CFAP57: variants seen among roughly 807,000 people sequenced by gnomAD.
CFAP57 encodes the protein cilia and flagella associated protein 57, also known as cilia- and flagella-associated protein 57.
Under a neutral mutation model 146.8 loss-of-function variants are expected in CFAP57, and 116 were observed. The ratio of observed to expected loss-of-function variants is 0.79; its 90% CI spans 0.68 to 0.92. The LOEUF (loss-of-function observed/expected upper bound fraction) is 0.92. Ranked by LOEUF, CFAP57 falls within the 40% of genes least tolerant of loss-of-function variation. The pLI is 0.00. For missense variants in CFAP57, 1,377 were observed against 1,527.2 expected, an observed-to-expected ratio of 0.90 and a Z score of 1.64; for synonymous variants, 518 against 552.8, an observed-to-expected ratio of 0.94 and a Z score of 0.88.
chr1:43,245,217 G>A (rs1269243007), intron 22 of CFAP57, among the ~76,000 whole-genome samples: 1 of 151,874 alleles, frequency 6.6e-6, no homozygotes, highest in Non-Finnish European at 1.5e-5. Context: ...GTTGAGGTGT[G>A]AGGATTTTAG....
intron 2 of CFAP57, among the ~76,000 whole-genome samples, chr1:43,179,815 C>T (rs549754316): frequency 1.1e-3 from 163 of 152,246 alleles, no homozygotes; most frequent in Non-Finnish European, 1.4e-3. Context: ...TTTCTTCTCC[C>T]TCTCTTTGGG....
At chr1:43,200,392 TGG>T (rs1644066406) in intron 9 of CFAP57, among the ~76,000 whole-genome samples, 1 of 149,306 alleles carries the variant, frequency 6.7e-6, no homozygotes, top group South Asian at 2.1e-4. Flanking sequence ...GAGGCTGCGG[TGG>T]GAGGATCACT....
At chr1:43,243,438 C>T (rs773972998) in intron 22 of CFAP57, 79 bp downstream of exon 22, 45 of 1,408,048 alleles carry the variant, frequency 3.2e-5, no homozygotes, top group Non-Finnish European at 4.0e-5. Flanking sequence ...CTCCCTTTGG[C>T]TTCCTTCTGT....
chr1:43,246,574 T>C (rs1445589043), intron 22 of CFAP57, among the ~76,000 whole-genome samples: 1 of 152,198 alleles, frequency 6.6e-6, no homozygotes, highest in Non-Finnish European at 1.5e-5. Flanking sequence ...ATAAAACTCT[T>C]AGAAGAAAGC....
chr1:43,172,400 C>G lies in CFAP57; in HGVS notation c.-73C>G. 6.4e-7 allele frequency: 1 copy of G among 1,551,466 alleles called. No individual in the cohort carries two copies. Among genetic ancestry groups the G allele is most frequent in the Non-Finnish European group, 8.7e-7 (1 of 1,146,962 alleles). ...GTGTCCGGGTTGCTTAGGATCCCTA[C>G]AGGTAGCGCCTCTGGATACATGCGT... is the stretch of plus-strand genomic sequence containing the variant. On this transcript the variant is annotated 5_prime_UTR_variant, in exon 1 of 23. Coordinates refer to ENST00000372492, the MANE Select transcript of CFAP57 (RefSeq NM_001378189.1).
chr1:43,199,632 G>C (rs895480720), intron 9 of CFAP57, 129 bp downstream of exon 9: 2 of 823,798 alleles, frequency 2.4e-6, no homozygotes, highest in Non-Finnish European at 4.1e-6. Context: ...CTTGGGGAAA[G>C]AGACAATAAA....
chr1:43,250,346 AGTTT>A (rs1404864633), intron 22 of CFAP57: 1 of 152,228 alleles, frequency 6.6e-6, no homozygotes, highest in East Asian at 1.9e-4. Context: ...TGTCCATGGC[AGTTT>A]GATTTTTAAA....
chr1:43,209,722 G>C (rs778504548), intron 10 of CFAP57, 21 bp from the exon 11 acceptor site: 6 of 1,611,160 alleles, frequency 3.7e-6, no homozygotes, highest in Non-Finnish European at 4.2e-6. Context: ...CTCACACTGA[G>C]CAGAGCTGCC....
chr1:43,242,967 G>C (rs1311311699), intron 21 of CFAP57, among the ~76,000 whole-genome samples: 2 of 152,086 alleles, frequency 1.3e-5, no homozygotes, highest in Non-Finnish European at 2.9e-5. Flanking sequence ...GCATGGAAAA[G>C]CATTGTTGTT....
intron 22 of CFAP57, among the ~76,000 whole-genome samples, chr1:43,248,244 T>C (rs964165334): frequency 6.6e-6 from 1 of 151,622 alleles, no homozygotes; most frequent in Non-Finnish European, 1.5e-5. Flanking sequence ...TAACCTTCCT[T>C]ACCAAAAAAT....
At chr1:43,181,007 A>C (rs1179118429) in intron 2 of CFAP57, among the ~76,000 whole-genome samples, 6 of 149,054 alleles carry the variant, frequency 4.0e-5, no homozygotes, top group African/African-American at 7.5e-5. Flanking sequence ...ATCTCACCTC[A>C]CCCCCTGCCC....
intron 18 of CFAP57, among the ~76,000 whole-genome samples, chr1:43,230,172 T>A (rs147127722): frequency 4.2e-3 from 640 of 152,336 alleles, no homozygotes; most frequent in South Asian, 8.5e-3. Flanking sequence ...GTATGCCCTC[T>A]CTGCTAACCT....
rs1257648996 is a variant in CFAP57, at chr1:43,238,734, T to C, written c.3405+4096T>C. Among the ~76,000 whole-genome samples the C allele has an allele frequency of 3.9e-5, 6 of 151,984 alleles. No individual in the cohort carries two copies. The highest frequency in any genetic ancestry group is 7.4e-5 in the Non-Finnish European group (5 of 67,980). On this transcript the variant is annotated intron_variant, in intron 21 of 22. Coordinates refer to ENST00000372492, the MANE Select transcript of CFAP57 (RefSeq NM_001378189.1). The surrounding 1 kb of genome is among the most constrained non-coding windows in gnomAD (Gnocchi z 4.3). The stretch of plus-strand genomic sequence containing the variant: ...GGGAGTGTCCTTGGCCATCATACTA[T>C]GTGAGATATTGGAATGGAGGTGACA...
Position 43,185,249 on chromosome 1 carries a change from A to AT in CFAP57, c.864dup (p.Ala289CysfsTer20). On this transcript the variant is annotated frameshift_variant, in exon 5 of 23. Coordinates refer to ENST00000372492, the MANE Select transcript of CFAP57 (RefSeq NM_001378189.1). LOFTEE classifies it high-confidence loss of function. Reference sequence around the variant, plus strand: ...GATGTCCATGCCCCAGGTGTTTGCCATTGCAGCCTATTCAAAGGGATTTGC... The same window carrying AT: ...GATGTCCATGCCCCAGGTGTTTGCCATTTGCAGCCTATTCAAAGGGATTTGC... 2 of 1,614,136 alleles carry AT rather than the reference A, an allele frequency of 1.2e-6. No homozygotes were observed. The highest frequency in any genetic ancestry group is 1.7e-6 in the Non-Finnish European group (2 of 1,180,034).
chr1:43,253,455 T>C (rs1003648126), intron 22 of CFAP57, among the ~76,000 whole-genome samples: 2 of 152,158 alleles, frequency 1.3e-5, no homozygotes, highest in Non-Finnish European at 2.9e-5. Flanking sequence ...CCGTGGACCC[T>C]GGTGGACACT....
intron 2 of CFAP57, among the ~76,000 whole-genome samples, chr1:43,178,866 CA>C (rs1214268913): frequency 4.6e-5 from 7 of 152,242 alleles, no homozygotes; most frequent in Non-Finnish European, 5.9e-5. Context: ...TTCACAATAG[CA>C]AAGACTTGGA....
At chr1:43,216,573 G>A (rs565788784) in intron 12 of CFAP57, among the ~76,000 whole-genome samples, 1 of 152,110 alleles carries the variant, frequency 6.6e-6, no homozygotes, top group African/African-American at 2.4e-5. Flanking sequence ...CCCCCAGATG[G>A]GCCTGACAGT....
At chr1:43,184,807 C>T (rs1214542677) in intron 4 of CFAP57, 1 of 223,422 alleles carries the variant, frequency 4.5e-6, no homozygotes, top group East Asian at 1.0e-4. Context: ...TCTCTATAAC[C>T]TTCTCCAGGA....
Position 43,234,393 on chromosome 1 carries a change from T to C in CFAP57, c.3241T>C (p.Tyr1081His), listed in dbSNP as rs1645602012. The C allele has an allele frequency of 6.5e-7, 1 of 1,549,872 alleles. No individual in the cohort carries two copies. The highest frequency in any genetic ancestry group is 2.0e-5 in the Admixed American group (1 of 50,916). ...KEKVRGLFEK[Y>H]VQRADMVEIA... is the part of the protein sequence containing the mutation. ...GAAGGTTCGAGGTCTCTTTGAGAAGTACGTGCAGCGAGCAGACATGGTAAG... is the reference window on the plus strand; with the variant it reads ...GAAGGTTCGAGGTCTCTTTGAGAAGCACGTGCAGCGAGCAGACATGGTAAG... The change falls in exon 20 of 23, where the codon TAC becomes CAC. Residue 1081 changes from tyrosine to histidine, a missense_variant. By Grantham distance (83) the Tyr-to-His change is moderately conservative (BLOSUM62 2). Coordinates refer to ENST00000372492, the MANE Select transcript of CFAP57 (RefSeq NM_001378189.1).
Sources: gnomAD v4.1 joint callset for allele counts (sites outside exome capture counted in the v4.1 genomes callset) on GRCh38, gnomAD v4.1.1 for gene constraint, Gnocchi (gnomAD v3.1) non-coding constraint, MANE v1.5 for transcripts, NCBI Gene and HGNC (gene_info 2026-07-23, HGNC 2026-07-21) for gene names.